The following TEPSIN variants were observed in gnomAD, a reference collection of about 807,000 sequenced individuals.
TEPSIN encodes the protein TEPSIN adaptor related protein complex 4 accessory protein, also known as AP-4 complex accessory subunit tepsin.
TEPSIN carries 50 observed loss-of-function variants against 48.5 expected under a neutral mutation model. The observed-to-expected ratio is 1.03, with a 90% confidence interval of 0.82 to 1.31. The LOEUF (loss-of-function observed/expected upper bound fraction) is 1.31, where lower values mean the gene tolerates loss of function less well. Among genes scored for constraint, TEPSIN ranks in the 50% most tolerant of loss-of-function variants. TEPSIN has a pLI of 0.00. For synonymous variants in TEPSIN, 392 were observed against 358.8 expected (o/e 1.09, Z -1.05); for missense variants, 838 against 815.9 (o/e 1.03, Z -0.33).
rs2062680215 is a variant in TEPSIN at position 81,234,199 on chromosome 17, C to A, written c.308-151G>T. The A allele has an allele frequency of 1.7e-6, 1 of 590,214 alleles. No homozygotes were observed. Among genetic ancestry groups the A allele is most frequent in the African/African-American group, 1.9e-5 (1 of 51,498 alleles). The allele number at this position is 590,214 out of a possible 1,614,324, so 36.6% of individuals were successfully genotyped here. ...CCAATGGGATGCCCTCCTCCAGGAC[C>A]CTGCAGAGGCCACACCTGAGCAGAC... On this transcript the variant is annotated intron_variant, in intron 4 of 12. Transcript: ENST00000637944. The surrounding 1 kb of genome is among the most constrained non-coding windows in gnomAD (Gnocchi z 5.4).
At chr17:81,238,922 C>A in intron 1 of TEPSIN, 64 bp downstream of exon 1, 1 of 1,397,824 alleles carries the variant, frequency 7.2e-7, no homozygotes, top group South Asian at 1.5e-5. Context: ...CGGGGCGAGT[C>A]CGGGGAATGC....
In TEPSIN at chr17:81,233,979, A is replaced by G; in HGVS notation, c.375+2T>C. 3 of 1,598,126 alleles carry G rather than the reference A, an allele frequency of 1.9e-6. No homozygotes were observed. The highest frequency in any genetic ancestry group is 2.6e-6 in the Non-Finnish European group (3 of 1,175,594). The stretch of plus-strand genomic sequence containing the variant: ...GCAGAGCGACACTGCTCCTGGGCTC[A>G]CCTGCGCGGCCGCGCGAACCTTCTG... On this transcript the variant is annotated splice_donor_variant, in intron 5 of 12. Transcript: ENST00000637944. LOFTEE classifies it high-confidence loss of function. This position sits in a 1 kb window ranked among gnomAD's most constrained non-coding sequence, Gnocchi z 5.8.
Position 81,230,325 on chromosome 17 carries a change from C to T in TEPSIN, c.1233+219G>A, listed in dbSNP as rs947741841. ...CCAGGAATAGGTAGAGGCCAGTGTA[C>T]TGTGAGTGCTGCAGAGTTTGGGTGG... On this transcript the variant is annotated intron_variant, in intron 12 of 12. Transcript: ENST00000637944. The surrounding 1 kb of genome is among the most constrained non-coding windows in gnomAD (Gnocchi z 4.2). 5.3e-6 allele frequency: 3 copies of T among 562,512 alleles called. No homozygotes were observed. The highest frequency in any genetic ancestry group is 9.2e-6 in the Non-Finnish European group (3 of 325,272). The allele number at this position is 562,512 out of a possible 1,614,324, so 34.8% of individuals were successfully genotyped here. A position where few individuals can be genotyped will look rare whatever the true frequency, so the allele number is the denominator to read the frequency against.
chr17:81,238,999 C>G lies in TEPSIN; in HGVS notation c.35G>C (p.Ser12Thr). 1 of 1,488,788 alleles carries G rather than the reference C, an allele frequency of 6.7e-7. No homozygotes were observed. The highest frequency in any genetic ancestry group is 1.3e-5 in the South Asian group (1 of 78,556). The allele number at this position is 1,488,788 out of a possible 1,614,324, so 92.2% of individuals were successfully genotyped here. A position where few individuals can be genotyped will look rare whatever the true frequency, so the allele number is the denominator to read the frequency against. ...AAAPPLRDRL[S>T]FLHRLPILLK... ...GCCCTCACTCACCCGGTGTAGAAAG[C>G]TCAGGCGGTCCCGTAGCGGCGGCGC... The change falls in exon 1 of 13, where the codon AGC (serine) becomes ACC (threonine). Residue 12 changes from serine (S) to threonine (T), a missense_variant. Coordinates refer to ENST00000637944, the MANE Select transcript of TEPSIN (RefSeq NM_001363764.2).
chr17:81,228,862 G>A lies in TEPSIN; in HGVS notation c.*66C>T. On this transcript the variant is annotated 3_prime_UTR_variant, in exon 13 of 13. Transcript: ENST00000637944. The stretch of plus-strand genomic sequence containing the variant: ...GACTGTAGCAGCTACGGTTGAGGCT[G>A]CTCAGGAAGCACAGACCGCCCCAGA... 5.0e-6 allele frequency: 8 copies of A among 1,588,138 alleles called. No individual in the cohort carries two copies. The highest frequency in any genetic ancestry group is 6.9e-6 in the Non-Finnish European group (8 of 1,165,964).
Position 81,230,635 on chromosome 17 carries a change from A to T in TEPSIN, c.1142T>A (p.Leu381His), listed in dbSNP as rs1031773095. The change falls in exon 12 of 13, where the codon CTC (leucine) becomes CAC (histidine). Residue 381 changes from leucine (L) to histidine (H), a missense_variant. Leu to His is a moderately conservative substitution (Grantham distance 99). Transcript: ENST00000637944. The surrounding 1 kb of genome is among the most constrained non-coding windows in gnomAD (Gnocchi z 4.2). ...GCGGAGGAGGATGTGCTCCTGGGGG[A>T]GGAGGTCGCTGCTCCCCAGGGAGGC... ...AIASLGSSDL[L>H]PQEHILLRTR... 1 of 1,593,746 alleles carries T rather than the reference A, an allele frequency of 6.3e-7. No homozygotes were observed.
chr17:81,230,611 C>A lies in TEPSIN; in HGVS notation c.1166G>T (p.Arg389Leu), dbSNP rs181819346. The A allele has an allele frequency of 1.2e-4, 200 of 1,606,576 alleles. No homozygotes were observed. Among genetic ancestry groups the A allele is most frequent in the Non-Finnish European group, 1.7e-4 (195 of 1,176,570 alleles). ...DLLPQEHILL[R>L]TRPWLQELSM... ...GAGCTCCTGCAGCCACGGCCGGGTG[C>A]GGAGGAGGATGTGCTCCTGGGGGAG... Residue 389 changes from arginine (R) to leucine (L), a missense_variant, in exon 12 of 13, where the codon CGC becomes CTC. By Grantham distance (102) the Arg-to-Leu change is moderately radical. Coordinates refer to ENST00000637944, the MANE Select transcript of TEPSIN (RefSeq NM_001363764.2). The surrounding 1 kb of genome is among the most constrained non-coding windows in gnomAD (Gnocchi z 4.2).
In TEPSIN at chr17:81,230,576, TG is replaced by T; in HGVS notation, c.1200del (p.Ser401AlafsTer5). 1.9e-6 allele frequency: 3 copies of T among 1,611,800 alleles called. No individual in the cohort carries two copies. The highest frequency in any genetic ancestry group is 2.5e-6 in the Non-Finnish European group (3 of 1,179,188). ...TRPWLQELSM[G>X]SPGPVTNKAT... The stretch of plus-strand genomic sequence containing the variant: ...GCCTTGTTGGTCACAGGTCCCGGGC[TG>T]CCCATGCTGAGCTCCTGCAGCCACG... On this transcript the variant is annotated frameshift_variant, in exon 12 of 13. Coordinates refer to ENST00000637944, the MANE Select transcript of TEPSIN (RefSeq NM_001363764.2). LOFTEE classifies it low-confidence loss of function (END_TRUNC). This position sits in a 1 kb window ranked among gnomAD's most constrained non-coding sequence, Gnocchi z 4.2.
In TEPSIN at chr17:81,233,780, C is replaced by T; in HGVS notation, c.376-64G>A. 1 of 1,489,194 alleles carries T rather than the reference C, an allele frequency of 6.7e-7. No homozygotes were observed. The highest frequency in any genetic ancestry group is 1.3e-5 in the South Asian group (1 of 78,752). 92.2% of individuals were successfully genotyped at this position (1,489,194 alleles called of 1,614,324 possible). A position where few individuals can be genotyped will look rare whatever the true frequency, so the allele number is the denominator to read the frequency against. On this transcript the variant is annotated intron_variant, in intron 5 of 12. Coordinates refer to ENST00000637944, the MANE Select transcript of TEPSIN (RefSeq NM_001363764.2). The surrounding 1 kb of genome is among the most constrained non-coding windows in gnomAD (Gnocchi z 5.8). ...AGGGCCTGCTGTACTCACCCTGCCA[C>T]CCATATCAGCTCCGTTCTGTCCCCC...
At position 81,231,665 on chromosome 17, in the gene TEPSIN, C is replaced by G; in HGVS notation, c.932G>C (p.Cys311Ser). Residue 311 changes from cysteine (C) to serine (S), a missense_variant, in exon 10 of 13, where the codon TGT (cysteine) becomes TCT (serine). Cys to Ser is a moderately radical substitution (Grantham distance 112). Transcript: ENST00000637944. ...ERVEVVALSD[C>S]QQELSLVRTV... The stretch of plus-strand genomic sequence containing the variant: ...CCTCACCAAGCTCAACTCCTGCTGA[C>G]AGTCACTCAGGGCCACCACCTCGAC... 6.2e-7 allele frequency: 1 copy of G among 1,612,846 alleles called. No homozygotes were observed. The highest frequency in any genetic ancestry group is 2.2e-5 in the East Asian group (1 of 44,852).
At position 81,231,490 on chromosome 17, in the gene TEPSIN, A is replaced by G; in HGVS notation, c.1020-14T>C. On this transcript the variant is annotated splice_polypyrimidine_tract_variant and intron_variant, in intron 10 of 12. Coordinates refer to ENST00000637944, the MANE Select transcript of TEPSIN (RefSeq NM_001363764.2). ...AGCAGTCCACACCTGCACAGAGGGG[A>G]CACCTGGGTGGCGGGTGCGGCCCGT... 6.4e-7 allele frequency: 1 copy of G among 1,568,816 alleles called. No individual in the cohort carries two copies. The highest frequency in any genetic ancestry group is 8.6e-7 in the Non-Finnish European group (1 of 1,156,782).
chr17:81,229,555 GA>G, intron 12 of TEPSIN, 79 bp from the exon 13 acceptor site: 1 of 1,447,194 alleles, frequency 6.9e-7, no homozygotes, highest in South Asian at 1.2e-5. Context: ...TTCTCCCTAG[GA>G]CCTCCTCAGT....
chr17:81,231,753 A>G, intron 9 of TEPSIN, 62 bp from the exon 10 acceptor site: 1 of 1,607,054 alleles, frequency 6.2e-7, no homozygotes, highest in African/African-American at 1.3e-5. Flanking sequence ...CCTGTCTCGC[A>G]TGGGGGAGAA....
chr17:81,237,963 C>T (rs1368261999), intron 1 of TEPSIN: 18 of 1,005,380 alleles, frequency 1.8e-5, no homozygotes, highest in South Asian at 1.2e-4. Context: ...TTTACGTTCG[C>T]TTAGCGCAGA....
At chr17:81,229,959 G>A (rs987215508) in intron 12 of TEPSIN, 4 of 175,872 alleles carry the variant, frequency 2.3e-5, no homozygotes, top group Admixed American at 1.8e-4. Flanking sequence ...GACAGTTAAG[G>A]ATGACTTGGG....
chr17:81,235,641 G>A (rs1174726979), intron 4 of TEPSIN, among the ~76,000 whole-genome samples: 1 of 152,068 alleles, frequency 6.6e-6, no homozygotes, highest in African/African-American at 2.4e-5. Context: ...CTGAGGCCAC[G>A]ACGTACATGC....
intron 12 of TEPSIN, 170 bp from the exon 13 acceptor site, chr17:81,229,646 A>C: frequency 4.5e-6 from 3 of 667,220 alleles, no homozygotes; most frequent in Non-Finnish European, 7.6e-6. Flanking sequence ...CCCAGTTGTC[A>C]TCCCACCGAG....
intron 12 of TEPSIN, 87 bp from the exon 13 acceptor site, chr17:81,229,563 C>G: frequency 2.8e-6 from 4 of 1,416,700 alleles, no homozygotes; most frequent in Non-Finnish European, 3.9e-6. Flanking sequence ...AGGACCTCCT[C>G]AGTCCCTCCA....
rs2062662117 is a variant in TEPSIN, at chr17:81,233,513, G to C, written c.455-10C>G. 2 of 1,590,038 alleles carry C rather than the reference G, an allele frequency of 1.3e-6. No individual in the cohort carries two copies. Among genetic ancestry groups the C allele is most frequent in the Non-Finnish European group, 1.7e-6 (2 of 1,166,402 alleles). ...GCCTGGGAGCCCATGCCTGCAGAGGGTCCTCCGTTAGCAGCAAGCCGGCCC... is the reference window on the plus strand; with the variant it reads ...GCCTGGGAGCCCATGCCTGCAGAGGCTCCTCCGTTAGCAGCAAGCCGGCCC... On this transcript the variant is annotated splice_polypyrimidine_tract_variant and intron_variant, in intron 6 of 12. Coordinates refer to ENST00000637944, the MANE Select transcript of TEPSIN (RefSeq NM_001363764.2). This position sits in a 1 kb window ranked among gnomAD's most constrained non-coding sequence, Gnocchi z 5.8.
Sources: allele counts gnomAD v4.1 joint callset (sites outside exome capture counted in the v4.1 genomes callset), GRCh38; gene constraint gnomAD v4.1.1; non-coding constraint Gnocchi (gnomAD v3.1); transcripts MANE v1.5; gene names NCBI Gene and HGNC (gene_info 2026-07-23, HGNC 2026-07-21).